Variants in SNURF observed in about 807,000 individuals in gnomAD.
The protein encoded by SNURF is SNRPN upstream open reading frame.
SNURF carries 6 observed loss-of-function variants against 11.6 expected under a neutral mutation model. That is an observed-to-expected ratio of 0.52 (90% confidence interval 0.28 to 1.02). The LOEUF (loss-of-function observed/expected upper bound fraction) is 1.02, where lower values mean the gene tolerates loss of function less well. Ranked by LOEUF, SNURF falls within the 50% of genes least tolerant of loss-of-function variation. The pLI is 0.09. For missense variants in SNURF, 84 were observed against 88.4 expected, an observed-to-expected ratio of 0.95 and a Z score of 0.20; for synonymous variants, 29 against 31.6, an observed-to-expected ratio of 0.92 and a Z score of 0.27.
At chr15:24,967,807 GGAA>G in intron 2 of SNURF, 122 bp from the exon 3 acceptor site, 2 of 697,660 alleles carry the variant, frequency 2.9e-6, no homozygotes, top group Non-Finnish European at 4.5e-6. Flanking sequence ...GACCCTGTCT[GGAA>G]AAAAAAAAAA....
chr15:24,972,607 G>T (rs1407287291), downstream of SNURF, among the ~76,000 whole-genome samples: 1 of 146,286 alleles, frequency 6.8e-6, no homozygotes, highest in African/African-American at 2.5e-5. Flanking sequence ...GCAATGGTGC[G>T]ATCTCCGCTC....
chr15:24,978,266 G>T (rs372752818), downstream of SNURF: 2 of 1,614,036 alleles, frequency 1.2e-6, no homozygotes, highest in Non-Finnish European at 1.7e-6. Flanking sequence ...CTCGAGGGAC[G>T]CCAATAGGCA....
At chr15:24,978,257 T>G (rs200487846), downstream of SNURF, 388 of 1,613,990 alleles carry the variant, frequency 2.4e-4, 1 homozygote, top group Non-Finnish European at 2.8e-4. Flanking sequence ...TTCCCCCTGC[T>G]CGAGGGACGC....
Position 24,968,304 on chromosome 15 carries a change from G to T in SNURF, c.*267G>T, listed in dbSNP as rs187962977. On this transcript the variant is annotated 3_prime_UTR_variant, in exon 3 of 3. Coordinates refer to ENST00000577949, the Ensembl canonical transcript of SNURF. ...AGTTATTGTAGCGCATGCTTTTCAG[G>T]TAGTTTTCTTTTGCGTTTTTTTTAA... 8.7e-6 allele frequency: 3 copies of T among 344,900 alleles called. No individual in the cohort carries two copies. In the East Asian group the frequency reaches 1.8e-4, roughly 20 times the overall value. The allele number at this position is 344,900 out of a possible 1,614,324, so 21.4% of individuals were successfully genotyped here.
At chr15:24,961,175 T>C (rs1295569078) in intron 1 of SNURF, among the ~76,000 whole-genome samples, 1 of 152,234 alleles carries the variant, frequency 6.6e-6, no homozygotes, top group Non-Finnish European at 1.5e-5. Context: ...ATTATCAGTG[T>C]ATAAAATTTT....
At chr15:24,961,972 A>G (rs2074908374) in intron 1 of SNURF, 142 bp from the exon 2 acceptor site, 1 of 802,068 alleles carries the variant, frequency 1.2e-6, no homozygotes, top group Non-Finnish European at 2.1e-6. Flanking sequence ...TGAAGGTTAA[A>G]GATCTTGTAA....
At chr15:24,970,222 A>C (rs1412692456), downstream of SNURF, among the ~76,000 whole-genome samples, 1 of 152,152 alleles carries the variant, frequency 6.6e-6, no homozygotes, top group African/African-American at 2.4e-5. Context: ...CAACATTTAA[A>C]CACTTCGTAC....
chr15:24,957,393 C>CT (rs2063107739), intron 1 of SNURF, among the ~76,000 whole-genome samples: 1 of 152,230 alleles, frequency 6.6e-6, no homozygotes, highest in East Asian at 1.9e-4. Flanking sequence ...CAGTTACTGT[C>CT]TTTTTTTGGA....
downstream of SNURF, chr15:24,978,052 CAT>C: frequency 3.4e-6 from 4 of 1,185,480 alleles, no homozygotes; most frequent in Non-Finnish European, 2.4e-6. Context: ...TAATGAAAGA[CAT>C]AGAAGAGTAA....
At chr15:24,969,310 G>A (rs1443243956), downstream of SNURF, among the ~76,000 whole-genome samples, 3 of 151,988 alleles carry the variant, frequency 2.0e-5, no homozygotes, top group Admixed American at 6.6e-5. Flanking sequence ...TGTATTTTTG[G>A]TAGAGACGGG....
downstream of SNURF, among the ~76,000 whole-genome samples, chr15:24,972,894 A>C (rs1410681631): frequency 6.8e-6 from 1 of 147,942 alleles, no homozygotes; most frequent in African/African-American, 2.5e-5. Context: ...CTTCCCCACC[A>C]CCCCCAACCC....
chr15:24,977,124 T>C (rs997725949), intron 6 of SNURF: 6 of 973,992 alleles, frequency 6.2e-6, no homozygotes, highest in Non-Finnish European at 7.3e-6. Context: ...TGTCATACAA[T>C]GTAAACAGCA....
downstream of SNURF, chr15:24,977,862 C>T (rs377153548): frequency 6.2e-7 from 1 of 1,612,484 alleles, no homozygotes; most frequent in Non-Finnish European, 8.5e-7. Context: ...AACACAGTAC[C>T]CACCAGGACG....
chr15:24,974,533 A>C, intron 3 of SNURF: 3 of 1,362,762 alleles, frequency 2.2e-6, no homozygotes, highest in Non-Finnish European at 3.2e-6. Flanking sequence ...ATGTGCAGTG[A>C]TCTTGGGTTC....
chr15:24,976,547 A>G, intron 5 of SNURF: 1 of 725,912 alleles, frequency 1.4e-6, no homozygotes, highest in Non-Finnish European at 2.3e-6. Context: ...GGCACTTAAT[A>G]TCAATTGTTG....
rs557418874 is a variant in SNURF at position 24,974,363 on chromosome 15, C to T, written c.*46-995C>T. 20 of 1,200,284 alleles carry T rather than the reference C, an allele frequency of 1.7e-5. No homozygotes were observed. The African/African-American group carries it at 2.5e-4, about 15-fold the overall frequency. The allele number at this position is 1,200,284 out of a possible 1,614,324, so 74.4% of individuals were successfully genotyped here. A position where few individuals can be genotyped will look rare whatever the true frequency, so the allele number is the denominator to read the frequency against. The stretch of plus-strand genomic sequence containing the variant: ...CCAGCTTGCATTGTTTCTAGGAGAA[C>T]CTGCGTCATACCTTTATCTATAGCC... On this transcript the variant is annotated intron_variant and NMD_transcript_variant, in intron 3 of 6. Coordinates refer to the SNURF transcript ENST00000580062.
downstream of SNURF, among the ~76,000 whole-genome samples, chr15:24,972,241 G>A (rs4133098): frequency 2.8e-5 from 4 of 141,538 alleles, no homozygotes; most frequent in African/African-American, 5.3e-5. Flanking sequence ...GGGCAACAGA[G>A]TGAGACTCTG....
At chr15:24,976,354 C>T (rs1566976710) in exon 5 of SNURF, 1 of 1,613,132 alleles carries the variant, frequency 6.2e-7, no homozygotes. Flanking sequence ...GGTTTTGGGT[C>T]TGGTGTTGCT....
chr15:24,977,122 A>ACTT, intron 6 of SNURF: 1 of 990,984 alleles, frequency 1.0e-6, no homozygotes, highest in Non-Finnish European at 1.4e-6. Flanking sequence ...TGTGTCATAC[A>ACTT]ATGTAAACAG....
Sources: allele counts gnomAD v4.1 joint callset (sites outside exome capture counted in the v4.1 genomes callset), GRCh38; gene constraint gnomAD v4.1.1; transcripts MANE v1.5; gene names NCBI Gene and HGNC (gene_info 2026-07-23, HGNC 2026-07-21).